WASL: variants seen among roughly 807,000 people sequenced by gnomAD.
WASL encodes the protein actin nucleation-promoting factor WASL.
Under a neutral mutation model 55.5 loss-of-function variants are expected in WASL, and 20 were observed. The observed-to-expected ratio is 0.36, with a 90% CI of 0.25 to 0.52. The LOEUF (loss-of-function observed/expected upper bound fraction) is 0.52. WASL is among the 20% of genes least tolerant of loss of function. WASL has a pLI of 0.92. For missense variants in WASL, 504 were observed against 622.5 expected (o/e 0.81, Z 2.03); for synonymous variants, 249 against 217.6 (o/e 1.14, Z -1.27).
In WASL at chr7:123,748,827, G is replaced by A. The variant is rs1454918574; in HGVS notation, c.-93C>T. On this transcript the variant is annotated 5_prime_UTR_variant, in exon 1 of 11. Transcript: ENST00000223023. ...CTCTCGGTGACAGGGGCGGGGAGAA[G>A]TGGAGTCAGAGGCGCCACATCTCGC... The A allele has an allele frequency of 1.1e-5, 13 of 1,130,986 alleles. No individual in the cohort carries two copies. Among genetic ancestry groups the A allele is most frequent in the Middle Eastern group, 2.7e-4 (1 of 3,692 alleles). The allele number at this position is 1,130,986 out of a possible 1,614,324, so 70.1% of individuals were successfully genotyped here.
chr7:123,710,479 C>A (rs1803737586), intron 1 of WASL, among the ~76,000 whole-genome samples: 1 of 151,768 alleles, frequency 6.6e-6, no homozygotes, highest in African/African-American at 2.4e-5. Context: ...GAGGGGTGCC[C>A]TTTTTTGGTA....
intron 3 of WASL, 86 bp from the exon 4 acceptor site, chr7:123,706,459 T>C: frequency 7.7e-7 from 1 of 1,293,186 alleles, no homozygotes; most frequent in African/African-American, 1.5e-5. Context: ...AAGAAGTATA[T>C]TTCTAAAGAA....
At chr7:123,748,263 A>G (rs1413130743) in intron 1 of WASL, among the ~76,000 whole-genome samples, 1 of 151,772 alleles carries the variant, frequency 6.6e-6, no homozygotes, top group Non-Finnish European at 1.5e-5. Context: ...AGCTAGAACA[A>G]GGGCCCAGAT....
intron 5 of WASL, among the ~76,000 whole-genome samples, chr7:123,702,690 T>C (rs373765776): frequency 6.6e-6 from 1 of 152,186 alleles, no homozygotes; most frequent in African/African-American, 2.4e-5. Context: ...TAAGACCAAA[T>C]GTACCTAGCA....
intron 4 of WASL, among the ~76,000 whole-genome samples, chr7:123,705,971 T>C (rs1018868373): frequency 6.6e-6 from 1 of 152,174 alleles, no homozygotes; most frequent in African/African-American, 2.4e-5. Context: ...GTTATTGTAT[T>C]GGGCCCTTCG....
At chr7:123,720,650 A>ATTT (rs374915810) in intron 1 of WASL, among the ~76,000 whole-genome samples, 8 of 137,454 alleles carry the variant, frequency 5.8e-5, no homozygotes, top group African/African-American at 1.1e-4. Context: ...ACACTGTGGG[A>ATTT]TTTTTTTTTT....
At position 123,700,506 on chromosome 7, in the gene WASL, T is replaced by A. The variant is rs1464222425; in HGVS notation, c.461-3759A>T. On this transcript the variant is annotated intron_variant, in intron 5 of 10. Coordinates refer to ENST00000223023, the MANE Select transcript of WASL (RefSeq NM_003941.4). The stretch of plus-strand genomic sequence containing the variant: ...CCCAGGCTGGAGTGCAATGGCGCCA[T>A]CTCGGCTCACTGCAACCTTCACCTC... Among the ~76,000 whole-genome samples, 7 of 151,950 alleles carry A rather than the reference T, an allele frequency of 4.6e-5. No individual in the cohort carries two copies. The South Asian group carries it at 1.5e-3, about 32-fold the overall frequency.
chr7:123,696,617 T>C lies in WASL; in HGVS notation c.591A>G (p.Arg197=). 1 of 1,599,958 alleles carries C rather than the reference T, an allele frequency of 6.3e-7. No homozygotes were observed. The highest frequency in any genetic ancestry group is 8.5e-7 in the Non-Finnish European group (1 of 1,173,030). Residue 197 remains arginine (R), a synonymous_variant, in exon 6 of 11, where the codon AGA becomes AGG. Coordinates refer to ENST00000223023, the MANE Select transcript of WASL (RefSeq NM_003941.4). ...GTGTTCCTATATCTGCCTTGGTTAA[T>C]CTCTTCTTTTTAGCTTTTCCCTTCT... ...EKKKGKAKKK[R]LTKADIGTPS... is the part of the protein sequence containing the mutation.
rs1413898400 is a variant in WASL at position 123,706,322 on chromosome 7, G to T, written c.391C>A (p.Arg131=). The part of the protein sequence containing the change: ...FANEEEAKKF[R]KAVTDLLGRR... ...CCCAAAAGGTCTGTAACTGCTTTTC[G>T]AAATTTTTTTGCTTCTTCTTCATTG... Residue 131 remains arginine, a synonymous_variant, in exon 4 of 11, where the codon CGA becomes AGA. Coordinates refer to ENST00000223023, the MANE Select transcript of WASL (RefSeq NM_003941.4). 5.0e-6 allele frequency: 8 copies of T among 1,613,474 alleles called. No individual in the cohort carries two copies. The highest frequency in any genetic ancestry group is 6.8e-6 in the Non-Finnish European group (8 of 1,179,730).
chr7:123,715,024 A>G lies in WASL; in HGVS notation c.118-5801T>C, dbSNP rs1159211842. ...GAAGAGTGGCATGGATTGAAGACAC[A>G]GATTTAATGTTAAAGTAATACAAAA... is the stretch of plus-strand genomic sequence containing the variant. On this transcript the variant is annotated intron_variant, in intron 1 of 10. Transcript: ENST00000223023. Among the ~76,000 whole-genome samples, 22 of 152,196 alleles carry G rather than the reference A, an allele frequency of 1.4e-4. 1 individual carries two copies. Among genetic ancestry groups the G allele is most frequent in the Admixed American group, 1.4e-3 (22 of 15,268 alleles).
intron 2 of WASL, among the ~76,000 whole-genome samples, chr7:123,708,164 A>G (rs990498635): frequency 2.7e-5 from 4 of 149,584 alleles, no homozygotes; most frequent in Non-Finnish European, 4.5e-5. Context: ...ACAGAGCAAG[A>G]GCAAGACCCT....
In WASL at chr7:123,691,399, A is replaced by T. The variant is rs141342114; in HGVS notation, c.1347+948T>A. Among the ~76,000 whole-genome samples the T allele has an allele frequency of 8.4e-3, 1,279 of 152,234 alleles. 19 individuals are homozygous for T. The highest frequency in any genetic ancestry group is 0.029 in the African/African-American group (1,194 of 41,550). ...CCAGCCTGTTCTTGGATTTTTTTTT[A>T]AAACTATCTAAAAATTAAGCTTGAT... On this transcript the variant is annotated intron_variant, in intron 9 of 10. Transcript: ENST00000223023.
chr7:123,746,695 C>G (rs567579969), intron 1 of WASL, among the ~76,000 whole-genome samples: 48 of 152,346 alleles, frequency 3.2e-4, no homozygotes, highest in Admixed American at 3.9e-4. Flanking sequence ...GCACTGAATA[C>G]TGAGAGCCTA....
At position 123,721,510 on chromosome 7, in the gene WASL, A is replaced by T. The variant is rs12333613; in HGVS notation, c.118-12287T>A. ...GAGACTCTCATGTACATTACACACA[A>T]GAGCTAGATAGCATCCACCCCAAAA... On this transcript the variant is annotated intron_variant, in intron 1 of 10. Coordinates refer to ENST00000223023, the MANE Select transcript of WASL (RefSeq NM_003941.4). 8.2e-3 allele frequency among the ~76,000 whole-genome samples: 1,252 copies of T among 152,318 alleles called. 19 individuals are homozygous for T. Among genetic ancestry groups the T allele is most frequent in the African/African-American group, 0.029 (1,188 of 41,562 alleles).
intron 1 of WASL, among the ~76,000 whole-genome samples, chr7:123,740,459 AT>A: frequency 8.7e-6 from 1 of 114,698 alleles, no homozygotes; most frequent in South Asian, 3.1e-4. Context: ...AATAAGATTT[AT>A]TTTGTATTAC....
chr7:123,706,965 T>C (rs547093812), intron 2 of WASL, 139 bp from the exon 3 acceptor site: 4 of 449,776 alleles, frequency 8.9e-6, no homozygotes, highest in South Asian at 5.2e-5. Flanking sequence ...ATTTATAATA[T>C]ATAAATAGTG....
At chr7:123,744,831 T>C (rs1429239505) in intron 1 of WASL, among the ~76,000 whole-genome samples, 2 of 152,212 alleles carry the variant, frequency 1.3e-5, no homozygotes, top group Non-Finnish European at 2.9e-5. Context: ...AAATAAGACC[T>C]AGTAATCTTG....
At chr7:123,714,664 T>C (rs148206232) in intron 1 of WASL, among the ~76,000 whole-genome samples, 2 of 152,230 alleles carry the variant, frequency 1.3e-5, no homozygotes, top group East Asian at 1.9e-4. Flanking sequence ...CTGGGATAAC[T>C]GGGGGTGAGG....
intron 1 of WASL, among the ~76,000 whole-genome samples, chr7:123,736,286 GA>G (rs1304498076): frequency 6.8e-6 from 1 of 147,494 alleles, no homozygotes; most frequent in Non-Finnish European, 1.5e-5. Flanking sequence ...AAGAAGGAAA[GA>G]AAAAAATACT....
Sources: allele counts gnomAD v4.1 joint callset (sites outside exome capture counted in the v4.1 genomes callset), GRCh38; gene constraint gnomAD v4.1.1; transcripts MANE v1.5; gene names NCBI Gene and HGNC (gene_info 2026-07-23, HGNC 2026-07-21).